Variants in RPTOR observed in about 807,000 individuals in gnomAD.
RPTOR encodes regulatory-associated protein of mTOR.
RPTOR carries 21 observed loss-of-function variants against 169.9 expected under a neutral mutation model. The ratio of observed to expected loss-of-function variants is 0.12; its 90% CI spans 0.09 to 0.18. The LOEUF is 0.18. Among genes scored for constraint, RPTOR ranks in the 10% least tolerant of loss-of-function variants. The pLI is 1.00. For missense variants in RPTOR, 1,133 were observed against 1,855.9 expected, an observed-to-expected ratio of 0.61 and a Z score of 7.16; for synonymous variants, 732 against 753.2, an observed-to-expected ratio of 0.97 and a Z score of 0.46.
Position 80,945,776 on chromosome 17 carries a change from C to A in RPTOR, c.3135C>A (p.Ser1045Arg). Residue 1045 changes from serine (S) to arginine (R), a missense_variant, in exon 26 of 34, where the codon AGC (serine) becomes AGA (arginine). Physicochemically the swap from Ser to Arg is moderately radical, Grantham distance 110 (BLOSUM62 -1). Coordinates refer to ENST00000306801, the MANE Select transcript of RPTOR (RefSeq NM_020761.3). ...GCATCGCCGTAGCCGACAAGGACAG[C>A]ATCTGGTATGCACCGCGCTGGTCAG... The part of the protein sequence containing the change: ...TPCIAVADKD[S>R]ICFWDWEKGE... 6.2e-7 allele frequency: 1 copy of A among 1,606,632 alleles called. No homozygotes were observed. The highest frequency in any genetic ancestry group is 8.5e-7 in the Non-Finnish European group (1 of 1,175,214).
In RPTOR at chr17:80,885,158, C is replaced by G. The variant is rs1298575160; in HGVS notation, c.1983+10C>G. On this transcript the variant is annotated intron_variant, in intron 17 of 33. Transcript: ENST00000306801. ...CCCCATGGTCCGGAAGGTGCGTGAA[C>G]CCCCAGCCCGGCAGCAGCAGGGCAC... is the stretch of plus-strand genomic sequence containing the variant. 11 of 1,550,542 alleles carry G rather than the reference C, an allele frequency of 7.1e-6. No homozygotes were observed. The highest frequency in any genetic ancestry group is 2.0e-5 in the Admixed American group (1 of 50,960).
intron 1 of RPTOR, among the ~76,000 whole-genome samples, chr17:80,600,892 C>T (rs139117817): frequency 0.016 from 1,250 of 77,620 alleles, 25 homozygotes; most frequent in African/African-American, 0.052. Flanking sequence ...AACTGTGAAA[C>T]GCCTCCCAAG....
intron 3 of RPTOR, among the ~76,000 whole-genome samples, chr17:80,669,755 A>T (rs759773631): frequency 1.9e-4 from 29 of 152,210 alleles, no homozygotes; most frequent in Non-Finnish European, 3.5e-4. Flanking sequence ...CTCTCCATGG[A>T]GGGACAATCT....
At chr17:80,833,875 G>C (rs1023542375) in intron 9 of RPTOR, among the ~76,000 whole-genome samples, 35 of 152,212 alleles carry the variant, frequency 2.3e-4, no homozygotes, top group Non-Finnish European at 1.3e-4. Context: ...TGTAATCCCA[G>C]CTACTCAGGA....
At chr17:80,794,410 G>A (rs1012974484) in intron 7 of RPTOR, among the ~76,000 whole-genome samples, 3 of 152,194 alleles carry the variant, frequency 2.0e-5, no homozygotes, top group African/African-American at 7.2e-5. Flanking sequence ...TATTAGAACG[G>A]ATGACATTTA....
intron 3 of RPTOR, among the ~76,000 whole-genome samples, chr17:80,661,111 C>T (rs948414100): frequency 1.3e-5 from 2 of 152,312 alleles, no homozygotes; most frequent in Non-Finnish European, 1.5e-5. Flanking sequence ...CATCTTCTGT[C>T]GGCCCTGGCC....
chr17:80,847,651 C>T (rs918562683), intron 11 of RPTOR, among the ~76,000 whole-genome samples: 1 of 152,220 alleles, frequency 6.6e-6, no homozygotes, highest in Non-Finnish European at 1.5e-5. Flanking sequence ...TCCCCCCACA[C>T]ACAGGAAGAG....
At chr17:80,647,372 G>A (rs1219364236) in intron 3 of RPTOR, among the ~76,000 whole-genome samples, 1 of 152,212 alleles carries the variant, frequency 6.6e-6, no homozygotes, top group Non-Finnish European at 1.5e-5. Context: ...GGGAGTAGGA[G>A]ATTATTATAA....
chr17:80,912,960 C>T (rs1485500319), intron 21 of RPTOR, among the ~76,000 whole-genome samples: 1 of 152,154 alleles, frequency 6.6e-6, no homozygotes, highest in Non-Finnish European at 1.5e-5. Context: ...CTGCTAGAGA[C>T]CTTGCTATGC....
At chr17:80,963,134 G>A in intron 33 of RPTOR, 77 bp downstream of exon 33, 1 of 1,358,224 alleles carries the variant, frequency 7.4e-7, no homozygotes, top group Non-Finnish European at 1.0e-6. Flanking sequence ...CAAGGCAGCA[G>A]GGGTCCTGCC....
In RPTOR at chr17:80,791,492, A is replaced by G; in HGVS notation, c.873A>G (p.Thr291=). Residue 291 remains threonine, a synonymous_variant, in exon 7 of 34, where the codon ACA becomes ACG. Coordinates refer to ENST00000306801, the MANE Select transcript of RPTOR (RefSeq NM_020761.3). ...QKCVSLVPGV[T]LDLIEKIPGR... is the part of the protein sequence containing the mutation. ...GTGTCAGTCTGGTGCCTGGCGTCAC[A>G]CTGGATTTGATAGAAAAGTAAGTAG... 6.2e-7 allele frequency: 1 copy of G among 1,613,676 alleles called. No individual in the cohort carries two copies. Among genetic ancestry groups the G allele is most frequent in the Non-Finnish European group, 8.5e-7 (1 of 1,179,934 alleles).
intron 1 of RPTOR, among the ~76,000 whole-genome samples, chr17:80,566,473 G>A (rs1004127103): frequency 6.6e-6 from 1 of 151,980 alleles, no homozygotes; most frequent in African/African-American, 2.4e-5. Flanking sequence ...ATTTATGGAA[G>A]GTATACACTT....
intron 9 of RPTOR, among the ~76,000 whole-genome samples, chr17:80,831,838 T>C (rs907282518): frequency 7.5e-5 from 5 of 66,620 alleles, no homozygotes; most frequent in South Asian, 5.7e-4. Flanking sequence ...TGTGTGTCAC[T>C]GTGTATCCCT....
intron 3 of RPTOR, among the ~76,000 whole-genome samples, chr17:80,663,711 A>G (rs550684337): frequency 6.6e-6 from 1 of 152,252 alleles, no homozygotes; most frequent in African/African-American, 2.4e-5. Flanking sequence ...GGAAGGTGAC[A>G]TAGCCTTTGA....
At chr17:80,585,315 C>T (rs1414854829) in intron 1 of RPTOR, among the ~76,000 whole-genome samples, 1 of 151,902 alleles carries the variant, frequency 6.6e-6, no homozygotes, top group Non-Finnish European at 1.5e-5. Flanking sequence ...AGCGATTCTC[C>T]TGCCTCAGCC....
At chr17:80,799,619 A>G (rs2067135675) in intron 7 of RPTOR, among the ~76,000 whole-genome samples, 1 of 152,204 alleles carries the variant, frequency 6.6e-6, no homozygotes, top group Admixed American at 6.5e-5. Context: ...ACGCAAGGAG[A>G]ATAACGGGCC....
intron 25 of RPTOR, among the ~76,000 whole-genome samples, chr17:80,944,715 G>A (rs117281544): frequency 2.6e-5 from 4 of 152,328 alleles, no homozygotes; most frequent in Middle Eastern, 3.4e-3. Flanking sequence ...GGCTTGCCGG[G>A]CATGGTGGCT....
At chr17:80,911,778 G>A (rs1598396538) in intron 21 of RPTOR, among the ~76,000 whole-genome samples, 1 of 152,278 alleles carries the variant, frequency 6.6e-6, no homozygotes, top group Middle Eastern at 3.4e-3. Context: ...GAGTGAGACC[G>A]TGTCTTTTAA....
chr17:80,916,522 C>G (rs2068675210), intron 21 of RPTOR, among the ~76,000 whole-genome samples: 1 of 152,220 alleles, frequency 6.6e-6, no homozygotes, highest in Non-Finnish European at 1.5e-5. Context: ...GAGATGCGGG[C>G]CAGCAGTGTG....
Sources: gnomAD v4.1 joint callset for allele counts (sites outside exome capture counted in the v4.1 genomes callset) on GRCh38, gnomAD v4.1.1 for gene constraint, MANE v1.5 for transcripts, NCBI Gene and HGNC (gene_info 2026-07-23, HGNC 2026-07-21) for gene names.